The following FAM107B variants were observed in gnomAD, a reference collection of about 807,000 sequenced individuals.
FAM107B encodes the protein protein FAM107B.
FAM107B carries 21 observed loss-of-function variants against 31.5 expected under a neutral mutation model. The ratio of observed to expected loss-of-function variants is 0.67; its 90% CI spans 0.47 to 0.96. The LOEUF (loss-of-function observed/expected upper bound fraction) is 0.96, where lower values mean the gene tolerates loss of function less well. Ranked by LOEUF, FAM107B falls within the 40% of genes least tolerant of loss-of-function variation. FAM107B has a pLI of 0.00. For missense variants in FAM107B, 452 were observed against 377.1 expected, an observed-to-expected ratio of 1.20 and a Z score of -1.64; for synonymous variants, 157 against 141.5, an observed-to-expected ratio of 1.11 and a Z score of -0.78.
At chr10:14,590,575 G>A (rs1255283356) in intron 2 of FAM107B, among the ~76,000 whole-genome samples, 1 of 152,122 alleles carries the variant, frequency 6.6e-6, no homozygotes, top group African/African-American at 2.4e-5. Flanking sequence ...AAATTCATTC[G>A]CTACGATCAT....
chr10:14,724,409 C>G (rs1855982246), intron 1 of FAM107B, among the ~76,000 whole-genome samples: 1 of 152,160 alleles, frequency 6.6e-6, no homozygotes, highest in Non-Finnish European at 1.5e-5. Flanking sequence ...AGCCAATTGA[C>G]TGTAAGTAAA....
intron 2 of FAM107B, among the ~76,000 whole-genome samples, chr10:14,588,900 G>T (rs755012541): frequency 2.6e-5 from 4 of 152,072 alleles, no homozygotes; most frequent in Non-Finnish European, 5.9e-5. Flanking sequence ...TAAGTGGTGA[G>T]GCTGGGCGCA....
chr10:14,626,871 G>C (rs188172189), intron 2 of FAM107B, among the ~76,000 whole-genome samples: 1 of 152,056 alleles, frequency 6.6e-6, no homozygotes, highest in African/African-American at 2.4e-5. Context: ...GCACATTGTC[G>C]ATGGCCTCTG....
chr10:14,548,729 T>A (rs889593016), intron 2 of FAM107B: 1 of 919,380 alleles, frequency 1.1e-6, no homozygotes, highest in Non-Finnish European at 1.3e-6. Flanking sequence ...CCGCAAAACG[T>A]GCCAGAAAAA....
At chr10:14,643,148 G>A (rs1588678284) in intron 2 of FAM107B, among the ~76,000 whole-genome samples, 2 of 152,004 alleles carry the variant, frequency 1.3e-5, no homozygotes, top group Admixed American at 1.3e-4. Context: ...TTTATTATAA[G>A]GAATTAGCTG....
intron 1 of FAM107B, among the ~76,000 whole-genome samples, chr10:14,684,950 A>G (rs1854941166): frequency 6.6e-6 from 1 of 151,594 alleles, no homozygotes; most frequent in Non-Finnish European, 1.5e-5. Context: ...CCTTCCAATC[A>G]GCTGGGACCA....
At chr10:14,525,862 G>C (rs1262028881) in intron 3 of FAM107B, among the ~76,000 whole-genome samples, 3 of 152,146 alleles carry the variant, frequency 2.0e-5, no homozygotes, top group African/African-American at 7.2e-5. Context: ...CCTACAAAAA[G>C]GCTGCAATGA....
At chr10:14,526,631 C>T (rs762501425) in intron 3 of FAM107B, among the ~76,000 whole-genome samples, 1 of 152,166 alleles carries the variant, frequency 6.6e-6, no homozygotes, top group Non-Finnish European at 1.5e-5. Flanking sequence ...TGTTGTACAG[C>T]AGCAAGTATT....
intron 3 of FAM107B, among the ~76,000 whole-genome samples, chr10:14,529,205 C>T (rs1846666098): frequency 6.6e-6 from 1 of 152,106 alleles, no homozygotes; most frequent in African/African-American, 2.4e-5. Flanking sequence ...CATAATAATA[C>T]CAAATTCATA....
At chr10:14,570,626 A>G (rs995416663) in intron 2 of FAM107B, among the ~76,000 whole-genome samples, 1 of 152,052 alleles carries the variant, frequency 6.6e-6, no homozygotes, top group African/African-American at 2.4e-5. Context: ...ACATGGTGAA[A>G]CCTCATCTCT....
intron 2 of FAM107B, among the ~76,000 whole-genome samples, chr10:14,598,969 C>A (rs1168196381): frequency 6.6e-6 from 1 of 152,180 alleles, no homozygotes; most frequent in Non-Finnish European, 1.5e-5. Flanking sequence ...CCCTACAGCA[C>A]CTTGCTCCGT....
At chr10:14,564,740 T>C (rs891924687) in intron 2 of FAM107B, among the ~76,000 whole-genome samples, 2 of 152,194 alleles carry the variant, frequency 1.3e-5, no homozygotes, top group African/African-American at 4.8e-5. Flanking sequence ...GAAACACCCA[T>C]TTATTTCCTG....
chr10:14,762,792 ACACACACAC>A (rs1564293268), intron 1 of FAM107B, among the ~76,000 whole-genome samples: 2 of 148,856 alleles, frequency 1.3e-5, no homozygotes, highest in African/African-American at 5.2e-5. Flanking sequence ...ACACACACAC[ACACACACAC>A]AAAAAGAACA....
In FAM107B at chr10:14,553,987, T is replaced by C. The variant is rs557813071; in HGVS notation, c.470-23472A>G. 450 of 473,698 alleles carry C rather than the reference T, an allele frequency of 9.5e-4. 3 individuals are homozygous for C. The highest frequency in any genetic ancestry group is 7.8e-3 in the African/African-American group (369 of 47,504). The allele number at this position is 473,698 out of a possible 1,614,324, so 29.3% of individuals were successfully genotyped here. The stretch of plus-strand genomic sequence containing the variant: ...GCTCAGGTAGCTTTCTGAGCCCGTT[T>C]TTCCTTGTCTTCACCTCCCAGGCTT... On this transcript the variant is annotated intron_variant, in intron 2 of 4. Coordinates refer to ENST00000181796, the MANE Select transcript of FAM107B (RefSeq NM_031453.4).
At chr10:14,657,869 G>A (rs1470006758) in intron 2 of FAM107B, among the ~76,000 whole-genome samples, 1 of 151,544 alleles carries the variant, frequency 6.6e-6, no homozygotes, top group Non-Finnish European at 1.5e-5. Flanking sequence ...GGAGTGCAGT[G>A]GCGCGATCCC....
intron 1 of FAM107B, among the ~76,000 whole-genome samples, chr10:14,700,577 G>A (rs761614721): frequency 1.3e-4 from 19 of 151,982 alleles, no homozygotes; most frequent in Admixed American, 6.6e-5. Flanking sequence ...GGGGTGGGGT[G>A]GGAGTCTGAA....
intron 1 of FAM107B, among the ~76,000 whole-genome samples, chr10:14,693,218 G>A (rs61211202): frequency 0.058 from 8,837 of 152,272 alleles, 374 homozygotes; most frequent in East Asian, 0.24. Context: ...GCTCACGCCT[G>A]TAATCCCAGC....
At chr10:14,721,291 T>C (rs1338305672) in intron 1 of FAM107B, among the ~76,000 whole-genome samples, 2 of 152,226 alleles carry the variant, frequency 1.3e-5, no homozygotes, top group African/African-American at 4.8e-5. Context: ...TTGTGAATAG[T>C]GCCGCTATAA....
At chr10:14,707,795 G>A (rs1221981388) in intron 1 of FAM107B, among the ~76,000 whole-genome samples, 1 of 152,146 alleles carries the variant, frequency 6.6e-6, no homozygotes, top group Non-Finnish European at 1.5e-5. Flanking sequence ...CATCATACTA[G>A]TGAAATGTGC....
Sources: allele counts gnomAD v4.1 joint callset (sites outside exome capture counted in the v4.1 genomes callset), GRCh38; gene constraint gnomAD v4.1.1; transcripts MANE v1.5; gene names NCBI Gene and HGNC (gene_info 2026-07-23, HGNC 2026-07-21).